The following NTM variants were observed in gnomAD, a reference collection of about 807,000 sequenced individuals.
The protein encoded by NTM is IgLON family member 2.
Under a neutral mutation model 42.1 loss-of-function variants are expected in NTM, and 13 were observed. The observed-to-expected ratio is 0.31, with a 90% CI of 0.20 to 0.49. The LOEUF is 0.49. NTM is among the 20% of genes least tolerant of loss of function. The pLI is 0.99. For missense variants in NTM, 373 were observed against 452.8 expected (o/e 0.82, Z 1.60); for synonymous variants, 187 against 179.2 (o/e 1.04, Z -0.35).
chr11:131,583,529 G>A (rs995750645), intron 1 of NTM, among the ~76,000 whole-genome samples: 2 of 152,224 alleles, frequency 1.3e-5, no homozygotes, highest in African/African-American at 4.8e-5. Context: ...TGGCAAGTGT[G>A]CAATTCAGAA....
intron 2 of NTM, among the ~76,000 whole-genome samples, chr11:131,993,867 G>A (rs1424883462): frequency 1.3e-5 from 2 of 151,938 alleles, no homozygotes; most frequent in Non-Finnish European, 2.9e-5. Context: ...GCTGGGTGCG[G>A]TGGTGTGTGC....
At chr11:131,653,617 A>C (rs2066790628) in intron 1 of NTM, among the ~76,000 whole-genome samples, 1 of 152,232 alleles carries the variant, frequency 6.6e-6, no homozygotes, top group South Asian at 2.1e-4. Flanking sequence ...GTTTAGCAGG[A>C]TGCAAAGCTG....
At chr11:131,710,180 A>C (rs923822646) in intron 1 of NTM, among the ~76,000 whole-genome samples, 2 of 152,126 alleles carry the variant, frequency 1.3e-5, no homozygotes, top group African/African-American at 4.8e-5. Flanking sequence ...TCTTTCACCA[A>C]CTCAGGACAA....
At chr11:132,144,315 CA>C (rs1435597162) in intron 2 of NTM, among the ~76,000 whole-genome samples, 9 of 152,202 alleles carry the variant, frequency 5.9e-5, no homozygotes, top group Non-Finnish European at 1.3e-4. Context: ...ACTGAATCAG[CA>C]TCTGTACTTC....
At chr11:131,752,128 A>G (rs1395613695) in intron 1 of NTM, among the ~76,000 whole-genome samples, 1 of 152,240 alleles carries the variant, frequency 6.6e-6, no homozygotes, top group African/African-American at 2.4e-5. Context: ...TGGGGAGGAT[A>G]TAGAGCCACT....
At chr11:131,868,772 C>T (rs1004037289) in intron 1 of NTM, among the ~76,000 whole-genome samples, 1 of 152,308 alleles carries the variant, frequency 6.6e-6, no homozygotes, top group African/African-American at 2.4e-5. Flanking sequence ...TAAGGCTGTC[C>T]TGATGACATC....
At chr11:131,546,959 C>T (rs1009868174) in intron 1 of NTM, among the ~76,000 whole-genome samples, 4 of 152,124 alleles carry the variant, frequency 2.6e-5, no homozygotes, top group African/African-American at 9.7e-5. Context: ...GAGTTCCTTC[C>T]CTCCCTTTCC....
chr11:131,511,410 G>A (rs759736298), intron 1 of NTM, among the ~76,000 whole-genome samples: 1 of 151,938 alleles, frequency 6.6e-6, no homozygotes, highest in Non-Finnish European at 1.5e-5. Context: ...CCTGCCGCTG[G>A]CCAGGGCTCT....
chr11:131,460,198 T>G (rs1951251406), intron 1 of NTM, among the ~76,000 whole-genome samples: 1 of 152,166 alleles, frequency 6.6e-6, no homozygotes, highest in East Asian at 1.9e-4. Flanking sequence ...ATGAATAGAC[T>G]AGGTCATGTC....
intron 2 of NTM, among the ~76,000 whole-genome samples, chr11:132,142,412 C>T (rs1472648180): frequency 1.3e-5 from 2 of 152,182 alleles, no homozygotes; most frequent in Non-Finnish European, 2.9e-5. Flanking sequence ...GCTGTCTCTG[C>T]AAAGAGAGGA....
chr11:131,964,456 T>TGAAA (rs1257436094), intron 2 of NTM, among the ~76,000 whole-genome samples: 1 of 152,198 alleles, frequency 6.6e-6, no homozygotes, highest in East Asian at 1.9e-4. Flanking sequence ...AAGTGACAAG[T>TGAAA]GAAACCCAGC....
intron 4 of NTM, among the ~76,000 whole-genome samples, chr11:132,219,642 T>A (rs1179913847): frequency 1.3e-5 from 2 of 151,878 alleles, no homozygotes; most frequent in Non-Finnish European, 2.9e-5. Context: ...CCCCCCACTG[T>A]CTTCCTCATG....
At chr11:132,168,910 G>T (rs1469916235) in intron 3 of NTM, among the ~76,000 whole-genome samples, 1 of 152,160 alleles carries the variant, frequency 6.6e-6, no homozygotes, top group Non-Finnish European at 1.5e-5. Flanking sequence ...AGACACAGAG[G>T]CTTATGCTCC....
At chr11:132,262,438 C>T (rs2092918100) in intron 4 of NTM, among the ~76,000 whole-genome samples, 1 of 152,180 alleles carries the variant, frequency 6.6e-6, no homozygotes. Flanking sequence ...TTACTTCTCA[C>T]AGTTTTGCAG....
At chr11:131,885,838 G>A (rs2050303505) in intron 1 of NTM, among the ~76,000 whole-genome samples, 1 of 152,198 alleles carries the variant, frequency 6.6e-6, no homozygotes, top group Admixed American at 6.5e-5. Context: ...TTCTGCTTAG[G>A]AAGGCTGCAC....
At chr11:132,259,788 C>T (rs562864468) in intron 4 of NTM, among the ~76,000 whole-genome samples, 68 of 151,974 alleles carry the variant, frequency 4.5e-4, no homozygotes, top group Admixed American at 6.6e-4. Flanking sequence ...CTCTCTCTGT[C>T]GCCCAGGCTG....
intron 2 of NTM, among the ~76,000 whole-genome samples, chr11:132,125,270 T>C (rs1381641583): frequency 1.6e-5 from 2 of 122,552 alleles, no homozygotes; most frequent in South Asian, 2.8e-4. Context: ...AGATAAATAA[T>C]GTACTGGTGT....
intron 1 of NTM, among the ~76,000 whole-genome samples, chr11:131,801,002 G>C (rs980734468): frequency 6.6e-6 from 1 of 152,108 alleles, no homozygotes; most frequent in Non-Finnish European, 1.5e-5. Context: ...TATAATTTCT[G>C]TTGGGACTCT....
chr11:131,469,792 C>T (rs1334001915), intron 1 of NTM, among the ~76,000 whole-genome samples: 2 of 152,144 alleles, frequency 1.3e-5, no homozygotes, highest in African/African-American at 2.4e-5. Flanking sequence ...TAAATAAGTT[C>T]CTACATGTAG....
Sources: gnomAD v4.1 joint callset for allele counts (sites outside exome capture counted in the v4.1 genomes callset) on GRCh38, gnomAD v4.1.1 for gene constraint, MANE v1.5 for transcripts, NCBI Gene and HGNC (gene_info 2026-07-23, HGNC 2026-07-21) for gene names.